Variants in FAM3D observed in about 807,000 individuals in gnomAD.
The protein encoded by FAM3D is FAM3 metabolism regulating signaling molecule D.
FAM3D carries 26 observed loss-of-function variants against 29.8 expected under a neutral mutation model. That is an observed-to-expected ratio of 0.87 (90% CI 0.64 to 1.21). FAM3D has a LOEUF of 1.21. Among genes scored for constraint, FAM3D ranks in the 50% most tolerant of loss-of-function variants. The pLI is 0.00. For missense variants in FAM3D, 253 were observed against 290.9 expected (o/e 0.87, Z 0.95); for synonymous variants, 115 against 102.3 (o/e 1.12, Z -0.75).
chr3:58,658,218 A>G (rs1474718211), intron 1 of FAM3D, among the ~76,000 whole-genome samples: 1 of 152,196 alleles, frequency 6.6e-6, no homozygotes, highest in East Asian at 1.9e-4. Flanking sequence ...TTTCAATGGC[A>G]GGCCTAGGAT....
At chr3:58,649,457 A>G (rs1343299680) in intron 3 of FAM3D, 119 bp from the exon 4 acceptor site, 1 of 1,230,684 alleles carries the variant, frequency 8.1e-7, no homozygotes, top group African/African-American at 1.5e-5. Flanking sequence ...CGCCATTGAA[A>G]TGAACTAAAA....
rs1198908883 is a variant in FAM3D, at chr3:58,666,575, C to A, written c.-39+1G>T. The A allele has an allele frequency of 6.6e-6, 1 of 152,204 alleles. No homozygotes were observed. The highest frequency in any genetic ancestry group is 2.4e-5 in the African/African-American group (1 of 41,430). The allele number at this position is 152,204 out of a possible 1,614,324, so 9.4% of individuals were successfully genotyped here. On this transcript the variant is annotated splice_donor_variant, in intron 1 of 9. Transcript: ENST00000358781. LOFTEE classifies it low-confidence loss of function (5UTR_SPLICE). Reference sequence around the variant, plus strand: ...CCCTTTCCATTCTTGGGGGGACGTACCCGAGGGCTCGAGGCTCCCACTTCC... The same window carrying A: ...CCCTTTCCATTCTTGGGGGGACGTAACCGAGGGCTCGAGGCTCCCACTTCC...
At chr3:58,643,988 G>A (rs944708503) in intron 5 of FAM3D, among the ~76,000 whole-genome samples, 18 of 152,146 alleles carry the variant, frequency 1.2e-4, no homozygotes, top group African/African-American at 3.9e-4. Context: ...TTGGAGGTGG[G>A]GCCAGCCCAC....
intron 7 of FAM3D, among the ~76,000 whole-genome samples, chr3:58,638,596 TTAAG>T (rs985613569): frequency 1.7e-4 from 26 of 152,312 alleles, no homozygotes; most frequent in East Asian, 5.8e-4. Flanking sequence ...TAAAAAATGA[TTAAG>T]TATTTCAAGA....
intron 3 of FAM3D, among the ~76,000 whole-genome samples, chr3:58,652,862 G>GTCCATCCATCCA (rs745543889): frequency 0.025 from 3,704 of 145,904 alleles, 75 homozygotes; most frequent in African/African-American, 0.036. Flanking sequence ...CCATCCATCT[G>GTCCATCCATCCA]TCCATCCATC....
intron 5 of FAM3D, among the ~76,000 whole-genome samples, chr3:58,643,949 G>A (rs974345256): frequency 1.3e-5 from 2 of 152,204 alleles, no homozygotes; most frequent in African/African-American, 2.4e-5. Context: ...CAGAGAAGAG[G>A]CAAGGTCCCT....
At chr3:58,660,708 C>T (rs1304935332) in intron 1 of FAM3D, among the ~76,000 whole-genome samples, 1 of 152,110 alleles carries the variant, frequency 6.6e-6, no homozygotes, top group African/African-American at 2.4e-5. Flanking sequence ...CAAGAAGACA[C>T]GAAAATGTGC....
At chr3:58,640,450 G>T (rs1202930998) in intron 6 of FAM3D, among the ~76,000 whole-genome samples, 1 of 152,122 alleles carries the variant, frequency 6.6e-6, no homozygotes, top group Non-Finnish European at 1.5e-5. Context: ...AGTTTCTAAC[G>T]CAGGACTTAG....
At chr3:58,645,696 GCCAGGGCT>G in intron 4 of FAM3D, 70 bp from the exon 5 acceptor site, 1 of 1,259,150 alleles carries the variant, frequency 7.9e-7, no homozygotes, top group Non-Finnish European at 1.1e-6. Flanking sequence ...GGAGGGGAGG[GCCAGGGCT>G]AGGGCCAGGG....
At position 58,636,760 on chromosome 3, in the gene FAM3D, C is replaced by T. The variant is rs543144930; in HGVS notation, c.459-340G>A. Among the ~76,000 whole-genome samples the T allele has an allele frequency of 9.3e-5, 5 of 53,884 alleles. No homozygotes were observed. The South Asian group carries it at 6.3e-3, about 68-fold the overall frequency. 35.3% of individuals were successfully genotyped at this position (53,884 alleles called of 152,430 possible). ...CTTAGTGTGATCAGTGTATGTATTT[C>T]CATACAGTGTTTTTTTTTCCCCTCA... On this transcript the variant is annotated intron_variant, in intron 8 of 9. Transcript: ENST00000358781.
intron 3 of FAM3D, among the ~76,000 whole-genome samples, chr3:58,651,213 T>C (rs976467904): frequency 6.6e-6 from 1 of 152,176 alleles, no homozygotes; most frequent in Non-Finnish European, 1.5e-5. Context: ...TAAAGTAAAA[T>C]AGATTGGAAA....
intron 3 of FAM3D, among the ~76,000 whole-genome samples, chr3:58,652,847 T>C (rs1369001576): frequency 6.8e-6 from 1 of 147,772 alleles, no homozygotes; most frequent in Non-Finnish European, 1.5e-5. Context: ...CATCCATCCA[T>C]CTGTCCATCC....
At chr3:58,636,720 C>G (rs1190604867) in intron 8 of FAM3D, among the ~76,000 whole-genome samples, 1 of 152,214 alleles carries the variant, frequency 6.6e-6, no homozygotes, top group Admixed American at 6.5e-5. Context: ...GAAATACAGT[C>G]TCACCCCTCC....
In FAM3D at chr3:58,635,303, G is replaced by C. The variant is rs1376589276; in HGVS notation, c.586-935C>G. Among the ~76,000 whole-genome samples the C allele has an allele frequency of 1.3e-5, 2 of 152,192 alleles. No individual in the cohort carries two copies. The highest frequency in any genetic ancestry group is 2.9e-5 in the Non-Finnish European group (2 of 68,048). On this transcript the variant is annotated intron_variant, in intron 9 of 9. Coordinates refer to ENST00000358781, the MANE Select transcript of FAM3D (RefSeq NM_138805.3). The surrounding 1 kb of genome is among the most constrained non-coding windows in gnomAD (Gnocchi z 5.2). ...GGCAAAATCTGCTGTTGGAATCATT[G>C]TGGCTGACTCTCAGGAATTAAAAAA...
chr3:58,665,535 T>G (rs2067013584), intron 1 of FAM3D, among the ~76,000 whole-genome samples: 1 of 152,224 alleles, frequency 6.6e-6, no homozygotes, highest in South Asian at 2.1e-4. Context: ...ATACCTCATC[T>G]TGTTAATCAT....
intron 1 of FAM3D, among the ~76,000 whole-genome samples, chr3:58,663,740 A>G (rs1224571723): frequency 1.3e-5 from 2 of 151,974 alleles, no homozygotes; most frequent in Non-Finnish European, 2.9e-5. Context: ...TGTCATTTTC[A>G]CCAGAACATT....
chr3:58,657,703 C>T (rs1015164513), intron 1 of FAM3D: 9 of 152,412 alleles, frequency 5.9e-5, no homozygotes, highest in Non-Finnish European at 1.2e-4. Context: ...TACCTGGTGT[C>T]GTGAGTTTCT....
chr3:58,652,372 A>AT lies in FAM3D; in HGVS notation c.121+1301dup, dbSNP rs1439078633. The stretch of plus-strand genomic sequence containing the variant: ...GCATCCAGCATCCTTCCACCTGTCC[A>AT]TCCATTCATTCATTCATTCATTCAT... On this transcript the variant is annotated intron_variant, in intron 3 of 9. Transcript: ENST00000358781. 2.7e-3 allele frequency among the ~76,000 whole-genome samples: 218 copies of AT among 80,118 alleles called. 2 individuals are homozygous for AT. Among genetic ancestry groups the AT allele is most frequent in the African/African-American group, 6.9e-3 (202 of 29,272 alleles). 52.6% of individuals were successfully genotyped at this position (80,118 alleles called of 152,430 possible).
chr3:58,639,086 G>A (rs544242434), intron 7 of FAM3D, among the ~76,000 whole-genome samples: 1 of 152,306 alleles, frequency 6.6e-6, no homozygotes, highest in South Asian at 2.1e-4. Context: ...CTACATTCAA[G>A]TTTATCATAA....
Sources: gnomAD v4.1 joint callset for allele counts (sites outside exome capture counted in the v4.1 genomes callset) on GRCh38, gnomAD v4.1.1 for gene constraint, Gnocchi (gnomAD v3.1) non-coding constraint, MANE v1.5 for transcripts, NCBI Gene and HGNC (gene_info 2026-07-23, HGNC 2026-07-21) for gene names.